Variants in MACC1 observed in about 807,000 individuals in gnomAD.
The protein encoded by MACC1 is MET transcriptional regulator MACC1, also known as metastasis-associated in colon cancer protein 1.
In MACC1, 79 loss-of-function variants were observed where a neutral mutation model predicts 70.7. The ratio of observed to expected loss-of-function variants is 1.12; its 90% confidence interval spans 0.93 to 1.35. The LOEUF is 1.35. Among genes scored for constraint, MACC1 ranks in the 40% most tolerant of loss-of-function variants. MACC1 has a pLI of 0.00. For synonymous variants in MACC1, 361 were observed against 347.2 expected (o/e 1.04, Z -0.44); for missense variants, 1,106 against 978.1 (o/e 1.13, Z -1.74).
Position 20,158,274 on chromosome 7 carries a change from A to G in MACC1, c.2087T>C (p.Val696Ala). ...ADKESEKVSY[V>A]IKKLKEDCHT... ...GCAATCTTCCTTTAACTTCTTTATA[A>G]CATAAGAAACTTTCTCTGATTCTTT... is the stretch of plus-strand genomic sequence containing the variant. Residue 696 changes from valine to alanine, a missense_variant, in exon 5 of 7, where the codon GTT becomes GCT. Coordinates refer to ENST00000400331, the MANE Select transcript of MACC1 (RefSeq NM_182762.4). The G allele has an allele frequency of 2.5e-6, 4 of 1,610,774 alleles. No homozygotes were observed. Among genetic ancestry groups the G allele is most frequent in the Non-Finnish European group, 3.4e-6 (4 of 1,179,290 alleles).
Position 20,158,621 on chromosome 7 carries a change from G to A in MACC1, c.1740C>T (p.Leu580=). ...LEYFKGDTIA[L]LGEGKVKAIG... is the part of the protein sequence containing the mutation. ...TAGCTTTTACCTTACCTTCCCCGAG[G>A]AGAGCTATTGTGTCCCCTTTGAAAT... The change falls in exon 5 of 7, where the codon CTC becomes CTT. Residue 580 remains leucine, a synonymous_variant. Transcript: ENST00000400331. 2 of 1,613,964 alleles carry A rather than the reference G, an allele frequency of 1.2e-6. No individual in the cohort carries two copies. The highest frequency in any genetic ancestry group is 2.2e-5 in the East Asian group (1 of 44,868).
At chr7:20,198,123 T>C (rs1287438498) in intron 1 of MACC1, among the ~76,000 whole-genome samples, 5 of 152,144 alleles carry the variant, frequency 3.3e-5, no homozygotes, top group Non-Finnish European at 4.4e-5. Context: ...GTCTGGGTAT[T>C]GGCAAGAAAT....
At chr7:20,171,418 A>T (rs1316409952) in intron 1 of MACC1, among the ~76,000 whole-genome samples, 2 of 149,818 alleles carry the variant, frequency 1.3e-5, no homozygotes, top group Non-Finnish European at 3.0e-5. Context: ...CGCCCAGCTA[A>T]TTTTTTTTTA....
intron 6 of MACC1, chr7:20,147,500 A>G (rs1281060816): frequency 1.3e-5 from 2 of 152,236 alleles, no homozygotes; most frequent in Non-Finnish European, 2.9e-5. Flanking sequence ...TGATTATTTC[A>G]TGTGTTCTAT....
At chr7:20,151,932 C>T (rs1353329350) in intron 6 of MACC1, among the ~76,000 whole-genome samples, 3 of 152,150 alleles carry the variant, frequency 2.0e-5, no homozygotes, top group Non-Finnish European at 4.4e-5. Flanking sequence ...TGTCTGTGCT[C>T]TAAACATGGT....
intron 1 of MACC1, among the ~76,000 whole-genome samples, chr7:20,192,485 C>G (rs528410992): frequency 6.6e-6 from 1 of 152,236 alleles, no homozygotes; most frequent in Admixed American, 6.5e-5. Flanking sequence ...CCAGCTAAGC[C>G]CTGACTTCTA....
intron 5 of MACC1, among the ~76,000 whole-genome samples, chr7:20,156,773 T>G (rs1407375384): frequency 6.6e-6 from 1 of 152,164 alleles, no homozygotes; most frequent in Non-Finnish European, 1.5e-5. Flanking sequence ...TTATATATAT[T>G]TATTTATTAT....
rs1562576802 is a variant in MACC1, at chr7:20,138,179, A to AAAAAAAAAAAAAAAAAAAAAAAAAAAAAC, written c.*2766_*2767insGTTTTTTTTTTTTTTTTTTTTTTTTTTTT. On this transcript the variant is annotated 3_prime_UTR_variant, in exon 7 of 7. Transcript: ENST00000400331. The stretch of plus-strand genomic sequence containing the variant: ...AAAAAAAAAAAAAAAAAAAAAAAAA[A>AAAAAAAAAAAAAAAAAAAAAAAAAAAAAC]AAATTTCCCCTGGAAGGATTTGTTA... The AAAAAAAAAAAAAAAAAAAAAAAAAAAAAC allele has an allele frequency of 5.0e-5, 7 of 139,448 alleles. No homozygotes were observed. The highest frequency in any genetic ancestry group is 7.0e-5 in the Admixed American group (1 of 14,290). The allele number at this position is 139,448 out of a possible 1,614,324, so 8.6% of individuals were successfully genotyped here. A position where few individuals can be genotyped will look rare whatever the true frequency, so the allele number is the denominator to read the frequency against.
At chr7:20,157,731 C>A in intron 5 of MACC1, among the ~76,000 whole-genome samples, 1 of 142,610 alleles carries the variant, frequency 7.0e-6, no homozygotes. Flanking sequence ...CGTGCCACTG[C>A]ACTCCAGCCT....
rs774911087 is a variant in MACC1, at chr7:20,160,160, G to C, written c.201C>G (p.Phe67Leu). 6.2e-7 allele frequency: 1 copy of C among 1,611,510 alleles called. No individual in the cohort carries two copies. Among genetic ancestry groups the C allele is most frequent in the Admixed American group, 1.7e-5 (1 of 59,384 alleles). ...GGTTAGAAGCAGACAGTTGATTCCA[G>C]AATGGATTTGCAACTTTGGAAGCAT... is the stretch of plus-strand genomic sequence containing the variant. Reference protein sequence around the residue: ...GNNASKVANPFWNQLSASNPF... With the variant: ...GNNASKVANPLWNQLSASNPF... The change falls in exon 5 of 7, where the codon TTC becomes TTG. Residue 67 changes from phenylalanine to leucine, a missense_variant. Coordinates refer to ENST00000400331, the MANE Select transcript of MACC1 (RefSeq NM_182762.4).
intron 5 of MACC1, among the ~76,000 whole-genome samples, chr7:20,154,680 AG>A (rs1223463525): frequency 6.6e-6 from 1 of 152,184 alleles, no homozygotes; most frequent in East Asian, 1.9e-4. Flanking sequence ...TTGTGAAAAA[AG>A]GAAGTTAAAT....
intron 1 of MACC1, among the ~76,000 whole-genome samples, chr7:20,180,323 G>A (rs899109546): frequency 3.3e-5 from 5 of 151,586 alleles, no homozygotes; most frequent in African/African-American, 1.2e-4. Context: ...CGTGCCCGTA[G>A]TCCCAGCTTC....
intron 6 of MACC1, among the ~76,000 whole-genome samples, chr7:20,141,629 T>C (rs529093600): frequency 6.6e-6 from 1 of 152,262 alleles, no homozygotes; most frequent in East Asian, 1.9e-4. Context: ...AGCAAGTCTA[T>C]AAACAAGCAA....
intron 1 of MACC1, among the ~76,000 whole-genome samples, chr7:20,183,491 C>G (rs1782541116): frequency 6.6e-6 from 1 of 152,190 alleles, no homozygotes. Context: ...AGACTTCTGA[C>G]TTGCAAAACT....
chr7:20,174,510 G>C (rs1259517910), intron 1 of MACC1, among the ~76,000 whole-genome samples: 3 of 152,074 alleles, frequency 2.0e-5, no homozygotes, highest in African/African-American at 7.2e-5. Context: ...AGGTATAAAA[G>C]ATTTTATATG....
At chr7:20,203,640 C>T (rs73278519) in intron 1 of MACC1, among the ~76,000 whole-genome samples, 13,225 of 152,198 alleles carry the variant, frequency 0.087, 659 homozygotes, top group Non-Finnish European at 0.12. Flanking sequence ...TTGGGATAGT[C>T]CTTCAAAAAT....
intron 3 of MACC1, 44 bp from the exon 4 acceptor site, chr7:20,161,914 C>G: frequency 8.8e-7 from 1 of 1,140,484 alleles, no homozygotes; most frequent in Non-Finnish European, 1.3e-6. Context: ...CATACATATA[C>G]AGGCTGGCAG....
intron 1 of MACC1, among the ~76,000 whole-genome samples, chr7:20,183,429 CT>C (rs1192651024): frequency 6.6e-6 from 1 of 152,158 alleles, no homozygotes; most frequent in Admixed American, 6.5e-5. Context: ...CAAATGACAC[CT>C]TGATTTTGGC....
chr7:20,193,803 T>C (rs1313771205), intron 1 of MACC1, among the ~76,000 whole-genome samples: 1 of 149,452 alleles, frequency 6.7e-6, no homozygotes, highest in Non-Finnish European at 1.5e-5. Context: ...TTTTGTCTCA[T>C]GAATGGCAAA....
Sources: allele counts gnomAD v4.1 joint callset (sites outside exome capture counted in the v4.1 genomes callset), GRCh38; gene constraint gnomAD v4.1.1; transcripts MANE v1.5; gene names NCBI Gene and HGNC (gene_info 2026-07-23, HGNC 2026-07-21).